Variants in GPM6A observed in about 807,000 individuals in gnomAD.
The protein encoded by GPM6A is glycoprotein M6A.
A neutral mutation model predicts 32.1 loss-of-function variants in GPM6A; 7 were observed. The observed-to-expected ratio is 0.22, with a 90% CI of 0.12 to 0.41. The LOEUF is 0.41. Ranked by LOEUF, GPM6A falls within the 10% of genes least tolerant of loss-of-function variation. The pLI is 1.00. For missense variants in GPM6A, 235 were observed against 347.2 expected, an observed-to-expected ratio of 0.68 and a Z score of 2.57; for synonymous variants, 130 against 123.4, an observed-to-expected ratio of 1.05 and a Z score of -0.35.
chr4:175,852,887 T>C (rs1030763459), intron 1 of GPM6A, among the ~76,000 whole-genome samples: 3 of 152,174 alleles, frequency 2.0e-5, no homozygotes, highest in African/African-American at 7.2e-5. Context: ...AAAAGATATA[T>C]CACCTTGTTC....
chr4:175,841,677 C>T (rs1735940773), intron 1 of GPM6A, among the ~76,000 whole-genome samples: 1 of 152,046 alleles, frequency 6.6e-6, no homozygotes, highest in African/African-American at 2.4e-5. Flanking sequence ...AAAGGAATAA[C>T]CTTTCATATC....
intron 1 of GPM6A, among the ~76,000 whole-genome samples, chr4:175,727,815 C>T (rs1220444960): frequency 1.3e-5 from 2 of 151,980 alleles, no homozygotes; most frequent in Non-Finnish European, 2.9e-5. Flanking sequence ...ACCAGCCTGA[C>T]CAACATGGTG....
chr4:175,749,142 GT>G (rs1470010234), intron 1 of GPM6A, among the ~76,000 whole-genome samples: 2 of 152,024 alleles, frequency 1.3e-5, no homozygotes, highest in Non-Finnish European at 2.9e-5. Context: ...TATGAGTATA[GT>G]TTATGGCACC....
intron 1 of GPM6A, among the ~76,000 whole-genome samples, chr4:175,930,774 A>C (rs1382469299): frequency 6.6e-6 from 1 of 152,108 alleles, no homozygotes. Context: ...TTGTTTTCTA[A>C]ACACAGATTT....
rs1311523329 is a variant in GPM6A at position 175,744,963 on chromosome 4, A to G, written c.38-43196T>C. Among the ~76,000 whole-genome samples, 3 of 152,172 alleles carry G rather than the reference A, an allele frequency of 2.0e-5. No homozygotes were observed. In the East Asian group the frequency reaches 5.8e-4, roughly 29 times the overall value. ...ACATAATAAAAAGAAAAAGGACAGGAAAGTAAGCAATTTGCCAGGTGCTCA... is the reference window on the plus strand; with the variant it reads ...ACATAATAAAAAGAAAAAGGACAGGGAAGTAAGCAATTTGCCAGGTGCTCA... On this transcript the variant is annotated intron_variant, in intron 1 of 6. Transcript: ENST00000393658.
At chr4:175,998,902 C>T (rs200146173) in intron 1 of GPM6A, among the ~76,000 whole-genome samples, 3 of 10,888 alleles carry the variant, frequency 2.8e-4, no homozygotes, top group African/African-American at 3.9e-4. Flanking sequence ...TGACACCCTA[C>T]CTCCTATCAT....
intron 1 of GPM6A, among the ~76,000 whole-genome samples, chr4:175,719,411 G>A (rs1483118367): frequency 6.6e-6 from 1 of 152,074 alleles, no homozygotes; most frequent in African/African-American, 2.4e-5. Flanking sequence ...TGTTGGCCAG[G>A]ATGGTCTTGA....
At chr4:175,655,305 CTAAAG>C (rs1393156704) in intron 3 of GPM6A, among the ~76,000 whole-genome samples, 2 of 152,060 alleles carry the variant, frequency 1.3e-5, no homozygotes, top group African/African-American at 2.4e-5. Flanking sequence ...AAAATATTCA[CTAAAG>C]TATTTAAGGA....
intron 3 of GPM6A, among the ~76,000 whole-genome samples, chr4:175,672,287 C>T (rs921343677): frequency 6.6e-6 from 1 of 152,116 alleles, no homozygotes; most frequent in Non-Finnish European, 1.5e-5. Flanking sequence ...ATCACAGACT[C>T]GTTGAGCTGG....
At chr4:175,676,696 C>T (rs1003147925) in intron 2 of GPM6A, among the ~76,000 whole-genome samples, 11 of 152,042 alleles carry the variant, frequency 7.2e-5, no homozygotes, top group Admixed American at 2.0e-4. Flanking sequence ...CAATGCGCTA[C>T]GATCACACCA....
intron 1 of GPM6A, among the ~76,000 whole-genome samples, chr4:175,914,762 C>T (rs776375664): frequency 2.6e-5 from 4 of 152,084 alleles, no homozygotes; most frequent in Non-Finnish European, 5.9e-5. Context: ...TGGGGAGATC[C>T]GTAGCCTTCT....
chr4:175,799,629 C>T (rs1734381599), intron 1 of GPM6A, among the ~76,000 whole-genome samples: 1 of 151,472 alleles, frequency 6.6e-6, no homozygotes. Context: ...ACAGACAACT[C>T]CAAATGACTA....
At chr4:175,996,912 T>C (rs1335245382) in intron 1 of GPM6A, among the ~76,000 whole-genome samples, 1 of 152,064 alleles carries the variant, frequency 6.6e-6, no homozygotes, top group Non-Finnish European at 1.5e-5. Flanking sequence ...TCCTGGGATT[T>C]CTGATGCTAG....
At position 175,993,468 on chromosome 4, in the gene GPM6A, C is replaced by A. The variant is rs946791190; in HGVS notation, c.-23+8841G>T. Among the ~76,000 whole-genome samples, 5 of 151,926 alleles carry A rather than the reference C, an allele frequency of 3.3e-5. No homozygotes were observed. In the South Asian group the frequency reaches 8.3e-4, roughly 25 times the overall value. On this transcript the variant is annotated intron_variant, in intron 1 of 7. Coordinates refer to the GPM6A transcript ENST00000280187. ...TCTTGCCTTAATGTTCTAGATCCTTCTTGCCTTAGTGTTTCTTTCACAAGG... is the reference window on the plus strand; with the variant it reads ...TCTTGCCTTAATGTTCTAGATCCTTATTGCCTTAGTGTTTCTTTCACAAGG...
chr4:175,761,563 G>A (rs116257590), intron 1 of GPM6A, among the ~76,000 whole-genome samples: 2,415 of 151,960 alleles, frequency 0.016, 79 homozygotes, highest in African/African-American at 0.055. Context: ...CTATTTTGCC[G>A]CAATTAAATA....
chr4:175,856,684 T>C (rs1736428519), intron 1 of GPM6A, among the ~76,000 whole-genome samples: 1 of 152,188 alleles, frequency 6.6e-6, no homozygotes. Context: ...TACTGAGCGA[T>C]GGAAGCAGGA....
At chr4:175,810,214 G>A (rs1734862121) in intron 1 of GPM6A, among the ~76,000 whole-genome samples, 1 of 152,086 alleles carries the variant, frequency 6.6e-6, no homozygotes, top group South Asian at 2.1e-4. Context: ...AGAGCATTTC[G>A]ATTCAAATGT....
Position 175,962,468 on chromosome 4 carries a change from T to A in GPM6A, c.-23+39841A>T. ...GGACAATAAGGCAACCTTTTTTGCTTCTCCAATGCGCAAGTGAAGTCACAG... is the reference window on the plus strand; with the variant it reads ...GGACAATAAGGCAACCTTTTTTGCTACTCCAATGCGCAAGTGAAGTCACAG... On this transcript the variant is annotated intron_variant, in intron 1 of 7. Coordinates refer to the GPM6A transcript ENST00000280187. The A allele has an allele frequency of 4.8e-6, 3 of 629,842 alleles. No individual in the cohort carries two copies. In the Admixed American group the frequency reaches 5.9e-5, roughly 12 times the overall value. The allele number at this position is 629,842 out of a possible 1,614,324, so 39.0% of individuals were successfully genotyped here.
intron 1 of GPM6A, chr4:176,002,226 A>T: frequency 7.1e-7 from 1 of 1,403,014 alleles, no homozygotes; most frequent in Non-Finnish European, 9.9e-7. Context: ...TCTGAGGCCG[A>T]GGAACATTCA....
Sources: gnomAD v4.1 joint callset for allele counts (sites outside exome capture counted in the v4.1 genomes callset) on GRCh38, gnomAD v4.1.1 for gene constraint, MANE v1.5 for transcripts, NCBI Gene and HGNC (gene_info 2026-07-23, HGNC 2026-07-21) for gene names.